LRBA: variants seen among roughly 807,000 people sequenced by gnomAD.
LRBA encodes lipopolysaccharide-responsive and beige-like anchor protein.
LRBA carries 176 observed loss-of-function variants against 330.0 expected under a neutral mutation model. The ratio of observed to expected loss-of-function variants is 0.53; its 90% confidence interval spans 0.47 to 0.60. The LOEUF (loss-of-function observed/expected upper bound fraction) is 0.60, where lower values mean the gene tolerates loss of function less well. LRBA is among the 20% of genes least tolerant of loss of function. LRBA has a pLI of 0.00. For missense variants in LRBA, 3,259 were observed against 3,444.8 expected (o/e 0.95, Z 1.35); for synonymous variants, 1,230 against 1,193.0 (o/e 1.03, Z -0.64).
chr4:150,434,907 T>C (rs1001421008), intron 46 of LRBA, among the ~76,000 whole-genome samples: 3 of 151,034 alleles, frequency 2.0e-5, no homozygotes, highest in Non-Finnish European at 2.9e-5. Flanking sequence ...GTGCCTTACA[T>C]GCTTTACATT....
chr4:150,856,126 C>T (rs2126937209), intron 22 of LRBA, among the ~76,000 whole-genome samples: 1 of 152,214 alleles, frequency 6.6e-6, no homozygotes, highest in South Asian at 2.1e-4. Context: ...AGAAGTAGGT[C>T]GAAGCACAGC....
chr4:150,558,833 T>A (rs1408202764), intron 40 of LRBA, among the ~76,000 whole-genome samples: 1 of 152,224 alleles, frequency 6.6e-6, no homozygotes, highest in Non-Finnish European at 1.5e-5. Context: ...CTGACTCTAA[T>A]CTAGTACCAC....
In LRBA at chr4:150,908,467, C is replaced by G; in HGVS notation, c.1360G>C (p.Asp454His). 1.3e-6 allele frequency: 2 copies of G among 1,586,664 alleles called. No individual in the cohort carries two copies. The highest frequency in any genetic ancestry group is 1.7e-6 in the Non-Finnish European group (2 of 1,171,828). Residue 454 changes from aspartate to histidine, a missense_variant and splice_region_variant, in exon 11 of 57, where the codon GAT becomes CAT. Coordinates refer to ENST00000651943, the MANE Select transcript of LRBA (RefSeq NM_001364905.1). ...GAATGTGTTAAAACTGCCTTTACATCCTTGTAAGATCAAAAACACAGTAAA... is the reference window on the plus strand; with the variant it reads ...GAATGTGTTAAAACTGCCTTTACATGCTTGTAAGATCAAAAACACAGTAAA... ...VHSPHALMLQ[D>H]VKAVLTHSIQ...
chr4:150,544,751 T>C (rs1765682944), intron 40 of LRBA, among the ~76,000 whole-genome samples: 2 of 152,180 alleles, frequency 1.3e-5, no homozygotes, highest in Admixed American at 6.6e-5. Context: ...ACACCCTCAT[T>C]TGATTTCTAA....
chr4:150,500,750 C>G (rs1760162072), intron 40 of LRBA, among the ~76,000 whole-genome samples: 1 of 152,090 alleles, frequency 6.6e-6, no homozygotes, highest in Non-Finnish European at 1.5e-5. Context: ...AAAGGGAAAA[C>G]CTTTGTTTAT....
intron 47 of LRBA, among the ~76,000 whole-genome samples, chr4:150,355,215 C>T (rs960786126): frequency 1.3e-5 from 2 of 152,014 alleles, no homozygotes; most frequent in African/African-American, 4.8e-5. Context: ...ATTAGTGATA[C>T]ACTAGCAATT....
At chr4:150,346,757 C>CAAAAAAAAAAAAAAAAAA (rs57119340) in intron 48 of LRBA, among the ~76,000 whole-genome samples, 3 of 66,152 alleles carry the variant, frequency 4.5e-5, no homozygotes, top group African/African-American at 2.3e-4. Flanking sequence ...GACTCTGTCT[C>CAAAAAAAAAAAAAAAAAA]AAAAAAAAAA....
At chr4:150,901,776 T>C (rs1730753918) in intron 13 of LRBA, among the ~76,000 whole-genome samples, 1 of 152,184 alleles carries the variant, frequency 6.6e-6, no homozygotes, top group South Asian at 2.1e-4. Flanking sequence ...TATGTATCTA[T>C]ACACATACAA....
chr4:150,931,529 G>C (rs947570367), intron 2 of LRBA, among the ~76,000 whole-genome samples: 8 of 150,412 alleles, frequency 5.3e-5, no homozygotes, highest in Admixed American at 3.3e-4. Context: ...GGGAGGCTAA[G>C]ACAGGAGGAT....
At chr4:150,503,876 C>T (rs989464856) in intron 40 of LRBA, among the ~76,000 whole-genome samples, 4 of 152,010 alleles carry the variant, frequency 2.6e-5, no homozygotes, top group Non-Finnish European at 4.4e-5. Flanking sequence ...ACTAGAATAA[C>T]CAATGCAGAG....
chr4:150,841,142 G>T, intron 28 of LRBA: 1 of 220,330 alleles, frequency 4.5e-6, no homozygotes, highest in Non-Finnish European at 9.4e-6. Flanking sequence ...ACACAATTCT[G>T]CCATGTTATA....
chr4:150,850,727 C>T lies in LRBA; in HGVS notation c.4001G>A (p.Arg1334Lys), dbSNP rs1750514837. ...FSIETDIQMW[R>K]SHSTKTVMDF... ...CATAATAAACATATAGACAAACCTTCTCCACATCTGTATATCTGTTTCTAT... is the reference window on the plus strand; with the variant it reads ...CATAATAAACATATAGACAAACCTTTTCCACATCTGTATATCTGTTTCTAT... Residue 1334 changes from arginine (R) to lysine (K), a missense_variant, in exon 24 of 57, where the codon AGA becomes AAA. Physicochemically the swap from Arg to Lys is conservative, Grantham distance 26. Coordinates refer to ENST00000651943, the MANE Select transcript of LRBA (RefSeq NM_001364905.1). 1 of 1,603,686 alleles carries T rather than the reference C, an allele frequency of 6.2e-7. No homozygotes were observed. The highest frequency in any genetic ancestry group is 1.7e-5 in the Admixed American group (1 of 59,388).
At chr4:150,557,379 G>A (rs899348706) in intron 40 of LRBA, among the ~76,000 whole-genome samples, 3 of 151,972 alleles carry the variant, frequency 2.0e-5, no homozygotes, top group Admixed American at 6.6e-5. Flanking sequence ...AAGAAGACGC[G>A]ATATGGGAAA....
At chr4:150,902,435 G>C (rs1051423741) in intron 13 of LRBA, among the ~76,000 whole-genome samples, 1 of 151,988 alleles carries the variant, frequency 6.6e-6, no homozygotes, top group South Asian at 2.1e-4. Flanking sequence ...TGGAGGCAGC[G>C]AACCTAAGGA....
chr4:150,374,290 C>T (rs1387894072), intron 47 of LRBA, among the ~76,000 whole-genome samples: 2 of 152,110 alleles, frequency 1.3e-5, no homozygotes, highest in African/African-American at 4.8e-5. Context: ...TCCTTGTCTC[C>T]CTTATAACCT....
chr4:150,590,685 G>A, intron 39 of LRBA, 28 bp downstream of exon 39: 1 of 1,608,278 alleles, frequency 6.2e-7, no homozygotes, highest in South Asian at 1.1e-5. Flanking sequence ...AGAGGTAGCT[G>A]AAATATCTGC....
chr4:150,265,897 G>A, intron 56 of LRBA, 85 bp from the exon 57 acceptor site: 1 of 810,746 alleles, frequency 1.2e-6, no homozygotes. Flanking sequence ...AAATCCACAA[G>A]GTAAATATAG....
chr4:150,771,664 G>A (rs1736583503), intron 34 of LRBA, among the ~76,000 whole-genome samples: 1 of 152,110 alleles, frequency 6.6e-6, no homozygotes. Context: ...ATCATCCTAG[G>A]GAACAGTGCC....
At position 150,874,386 on chromosome 4, in the gene LRBA, C is replaced by T. The variant is rs570375533; in HGVS notation, c.2166-1631G>A. ...ATGCCATTTTGAATTCAAGCACACACAATTCAAACTGGAAATCTGGCAGTG... is the reference window on the plus strand; with the variant it reads ...ATGCCATTTTGAATTCAAGCACACATAATTCAAACTGGAAATCTGGCAGTG... On this transcript the variant is annotated intron_variant, in intron 17 of 56. Coordinates refer to ENST00000651943, the MANE Select transcript of LRBA (RefSeq NM_001364905.1). Among the ~76,000 whole-genome samples, 3 of 152,310 alleles carry T rather than the reference C, an allele frequency of 2.0e-5. No individual in the cohort carries two copies. In the South Asian group the frequency reaches 6.2e-4, roughly 32 times the overall value.
Sources: gnomAD v4.1 joint callset for allele counts (sites outside exome capture counted in the v4.1 genomes callset) on GRCh38, gnomAD v4.1.1 for gene constraint, MANE v1.5 for transcripts, NCBI Gene and HGNC (gene_info 2026-07-23, HGNC 2026-07-21) for gene names.